The following PDE8A variants were observed in gnomAD, a reference collection of about 807,000 sequenced individuals.
The protein encoded by PDE8A is high affinity cAMP-specific and IBMX-insensitive 3',5'-cyclic phosphodiesterase 8A.
In PDE8A, 59 loss-of-function variants were observed where a neutral mutation model predicts 105.0. The observed-to-expected ratio is 0.56, with a 90% CI of 0.46 to 0.70. The LOEUF (loss-of-function observed/expected upper bound fraction) is 0.70, where lower values mean the gene tolerates loss of function less well. Among genes scored for constraint, PDE8A ranks in the 30% least tolerant of loss-of-function variants. The pLI is 0.00. For missense variants in PDE8A, 1,014 were observed against 1,045.9 expected (o/e 0.97, Z 0.42); for synonymous variants, 355 against 371.9 (o/e 0.95, Z 0.52).
chr15:85,065,630 G>A (rs1001265229), intron 2 of PDE8A, among the ~76,000 whole-genome samples: 9 of 152,228 alleles, frequency 5.9e-5, no homozygotes, highest in African/African-American at 2.2e-4. Context: ...TGCATGTATG[G>A]TCTTTGTGTA....
At chr15:84,983,156 GAA>G (rs765447254) in intron 1 of PDE8A, among the ~76,000 whole-genome samples, 14 of 152,268 alleles carry the variant, frequency 9.2e-5, no homozygotes, top group Non-Finnish European at 1.9e-4. Flanking sequence ...AGTTAAAAAG[GAA>G]AAAGAAAAAC....
intron 1 of PDE8A, among the ~76,000 whole-genome samples, chr15:85,022,969 A>G (rs1355731896): frequency 6.6e-6 from 1 of 152,230 alleles, no homozygotes; most frequent in African/African-American, 2.4e-5. Context: ...AACGATCAAG[A>G]CAGAGGGGAC....
Position 85,115,458 on chromosome 15 carries a change from C to G in PDE8A, c.1370C>G (p.Ser457Ter). 1 of 1,542,560 alleles carries G rather than the reference C, an allele frequency of 6.5e-7. No individual in the cohort carries two copies. The highest frequency in any genetic ancestry group is 8.7e-7 in the Non-Finnish European group (1 of 1,144,556). The change falls in exon 15 of 22, where the codon TCA becomes TGA. Residue 457 changes from serine (S) to a stop codon, truncating the protein, a stop_gained. Transcript: ENST00000394553. LOFTEE classifies it high-confidence loss of function. ...GLMSDGLRRL[S>*]GNEYVLSTKN... ...TATCAGGATGGTTTGCGAAGACTATCAGGGAATGAATATGTTCTTTCAACA... is the reference window on the plus strand; with the variant it reads ...TATCAGGATGGTTTGCGAAGACTATGAGGGAATGAATATGTTCTTTCAACA...
chr15:85,007,034 C>T (rs2080159063), intron 1 of PDE8A, among the ~76,000 whole-genome samples: 1 of 152,148 alleles, frequency 6.6e-6, no homozygotes, highest in Non-Finnish European at 1.5e-5. Context: ...AGTGTTTGGC[C>T]ATTCTTCTGT....
At chr15:84,990,321 C>T (rs566147397) in intron 1 of PDE8A, among the ~76,000 whole-genome samples, 17 of 152,130 alleles carry the variant, frequency 1.1e-4, no homozygotes, top group Non-Finnish European at 2.1e-4. Context: ...TACTATGAAT[C>T]TCTGTCAAGA....
At chr15:85,004,812 GA>G (rs1260858397) in intron 1 of PDE8A, among the ~76,000 whole-genome samples, 4 of 150,956 alleles carry the variant, frequency 2.6e-5, no homozygotes, top group African/African-American at 9.7e-5. Context: ...CCATTCTCTG[GA>G]ATTAGAGTGG....
intron 1 of PDE8A, among the ~76,000 whole-genome samples, chr15:85,033,779 C>A (rs552806572): frequency 3.3e-5 from 5 of 152,098 alleles, no homozygotes; most frequent in Non-Finnish European, 7.4e-5. Flanking sequence ...GCAGGAGAAT[C>A]GCTTGAACCT....
At chr15:84,991,443 A>C (rs2079884405) in intron 1 of PDE8A, among the ~76,000 whole-genome samples, 1 of 152,236 alleles carries the variant, frequency 6.6e-6, no homozygotes. Flanking sequence ...TTTTATACTC[A>C]TCAAATTGGC....
chr15:85,005,520 A>T (rs145337247), intron 1 of PDE8A, among the ~76,000 whole-genome samples: 1,846 of 152,314 alleles, frequency 0.012, 43 homozygotes, highest in African/African-American at 0.043. Context: ...CGTCTTGAAA[A>T]ATATGCCCCC....
chr15:85,100,087 G>A (rs766518780), intron 10 of PDE8A, 21 bp downstream of exon 10: 23 of 1,613,116 alleles, frequency 1.4e-5, no homozygotes, highest in Non-Finnish European at 1.5e-5. Context: ...AGAGCCCCCC[G>A]GGGCCCCAGG....
intron 1 of PDE8A, among the ~76,000 whole-genome samples, chr15:85,034,542 G>C (rs945190539): frequency 5.3e-5 from 8 of 152,182 alleles, no homozygotes; most frequent in African/African-American, 1.7e-4. Context: ...TAAGAGTGCT[G>C]TTCCCTCATC....
At chr15:85,096,965 A>T (rs1177205649) in intron 8 of PDE8A, among the ~76,000 whole-genome samples, 2 of 152,174 alleles carry the variant, frequency 1.3e-5, no homozygotes, top group African/African-American at 4.8e-5. Context: ...CATGTACCAA[A>T]CAAGAATATT....
At chr15:85,118,177 T>C (rs868189984) in intron 17 of PDE8A, among the ~76,000 whole-genome samples, 17 of 152,314 alleles carry the variant, frequency 1.1e-4, no homozygotes, top group African/African-American at 3.1e-4. Flanking sequence ...ATCCCCACTT[T>C]AGGGCCTCCA....
intron 1 of PDE8A, among the ~76,000 whole-genome samples, chr15:85,019,383 G>T (rs568108698): frequency 2.0e-5 from 3 of 152,138 alleles, no homozygotes; most frequent in Admixed American, 1.3e-4. Context: ...AAAAATTTTT[G>T]ATTTGAGTGA....
intron 1 of PDE8A, among the ~76,000 whole-genome samples, chr15:85,054,203 T>G (rs2081022212): frequency 6.6e-6 from 1 of 152,366 alleles, no homozygotes; most frequent in East Asian, 1.9e-4. Flanking sequence ...TTTGATGTGC[T>G]GCTGGATTCA....
chr15:84,981,610 G>C (rs1409292648), upstream of PDE8A, among the ~76,000 whole-genome samples: 1 of 152,038 alleles, frequency 6.6e-6, no homozygotes, highest in South Asian at 2.1e-4. Flanking sequence ...CACTCGGCCT[G>C]GGGGGGCTTT....
Position 85,032,481 on chromosome 15 carries a change from A to G in PDE8A, c.187-31889A>G, listed in dbSNP as rs76754140. ...TTGGTTACCTAGTTTTTAAAGACCTAGACTTCCTTGTTCTATTTCTAAAAG... is the reference window on the plus strand; with the variant it reads ...TTGGTTACCTAGTTTTTAAAGACCTGGACTTCCTTGTTCTATTTCTAAAAG... On this transcript the variant is annotated intron_variant, in intron 1 of 21. Transcript: ENST00000394553. Among the ~76,000 whole-genome samples the G allele has an allele frequency of 6.5e-3, 992 of 152,320 alleles. 18 individuals are homozygous for G. Among genetic ancestry groups the G allele is most frequent in the African/African-American group, 0.023 (947 of 41,574 alleles).
chr15:85,042,364 G>A lies in PDE8A; in HGVS notation c.187-22006G>A, dbSNP rs186629750. Reference sequence around the variant, plus strand: ...TAATTTTTTGTAGAGACAGCATCTCGCTATGGCTGGTCTTGAACTCCTGGG... The same window carrying A: ...TAATTTTTTGTAGAGACAGCATCTCACTATGGCTGGTCTTGAACTCCTGGG... On this transcript the variant is annotated intron_variant, in intron 1 of 21. Coordinates refer to ENST00000394553, the MANE Select transcript of PDE8A (RefSeq NM_002605.3). Among the ~76,000 whole-genome samples, 18 of 152,078 alleles carry A rather than the reference G, an allele frequency of 1.2e-4. No homozygotes were observed. In the East Asian group the frequency reaches 1.7e-3, roughly 15 times the overall value.
At chr15:85,134,072 A>T (rs758378114) in intron 20 of PDE8A, among the ~76,000 whole-genome samples, 1 of 152,220 alleles carries the variant, frequency 6.6e-6, no homozygotes, top group Non-Finnish European at 1.5e-5. Flanking sequence ...CATGGGCCAC[A>T]GTTTGCTGGT....
Sources: gnomAD v4.1 joint callset for allele counts (sites outside exome capture counted in the v4.1 genomes callset) on GRCh38, gnomAD v4.1.1 for gene constraint, MANE v1.5 for transcripts, NCBI Gene and HGNC (gene_info 2026-07-23, HGNC 2026-07-21) for gene names.